Variants in ARHGAP26 observed in about 807,000 individuals in gnomAD.
The protein encoded by ARHGAP26 is Rho GTPase activating protein 26.
In ARHGAP26, 38 loss-of-function variants were observed where a neutral mutation model predicts 104.8. That is an observed-to-expected ratio of 0.36 (90% confidence interval 0.28 to 0.48). ARHGAP26 has a LOEUF of 0.48. Among genes scored for constraint, ARHGAP26 ranks in the 20% least tolerant of loss-of-function variants. The pLI is 0.99. For missense variants in ARHGAP26, 704 were observed against 947.9 expected (o/e 0.74, Z 3.38); for synonymous variants, 341 against 340.0 (o/e 1.00, Z -0.03).
chr5:143,092,170 G>GTTTTTTTTT (rs70991792), intron 17 of ARHGAP26, among the ~76,000 whole-genome samples: 1 of 131,292 alleles, frequency 7.6e-6, no homozygotes, highest in Non-Finnish European at 1.5e-5. Context: ...TTTTTTTTTT[G>GTTTTTTTTT]TTTTTTTTTT....
chr5:143,159,392 G>T (rs902438795), intron 20 of ARHGAP26, among the ~76,000 whole-genome samples: 2 of 152,190 alleles, frequency 1.3e-5, no homozygotes, highest in African/African-American at 4.8e-5. Context: ...ATCAATAAAG[G>T]ACGGCCTAAA....
At chr5:142,976,081 A>G (rs530408763) in intron 11 of ARHGAP26, among the ~76,000 whole-genome samples, 2 of 152,162 alleles carry the variant, frequency 1.3e-5, no homozygotes, top group African/African-American at 2.4e-5. Context: ...TTCTCACTCT[A>G]TCTGGATTTT....
chr5:142,870,627 G>A (rs1427948302), intron 1 of ARHGAP26, among the ~76,000 whole-genome samples: 1 of 152,240 alleles, frequency 6.6e-6, no homozygotes, highest in Non-Finnish European at 1.5e-5. Context: ...GAATAGCCCA[G>A]CTATACCTAG....
chr5:143,199,937 AG>A (rs1180335684), intron 20 of ARHGAP26, among the ~76,000 whole-genome samples: 3 of 152,126 alleles, frequency 2.0e-5, no homozygotes, highest in South Asian at 4.2e-4. Flanking sequence ...CCTTTCAACT[AG>A]GGGGTCTCAC....
intron 11 of ARHGAP26, among the ~76,000 whole-genome samples, chr5:142,973,940 C>T (rs1462661350): frequency 6.6e-6 from 1 of 152,162 alleles, no homozygotes; most frequent in Non-Finnish European, 1.5e-5. Context: ...TAACCATTTT[C>T]CTCCCTTTTC....
intron 1 of ARHGAP26, among the ~76,000 whole-genome samples, chr5:142,822,147 C>T (rs1340180257): frequency 6.6e-6 from 1 of 152,222 alleles, no homozygotes; most frequent in Non-Finnish European, 1.5e-5. Flanking sequence ...TCTTCTTCCT[C>T]TTCTTGCCTT....
At position 142,889,761 on chromosome 5, in the gene ARHGAP26, C is replaced by T. The variant is rs146957791; in HGVS notation, c.486+4362C>T. On this transcript the variant is annotated intron_variant, in intron 5 of 22. Transcript: ENST00000645722. ...CAGAAGGAATGAGCTAATGAAAGGC[C>T]AGGACAATCTTCTTCAGGTTGTGAG... is the stretch of plus-strand genomic sequence containing the variant. Among the ~76,000 whole-genome samples the T allele has an allele frequency of 3.9e-4, 59 of 152,088 alleles. 1 individual carries two copies. Among genetic ancestry groups the T allele is most frequent in the South Asian group, 1.0e-3 (5 of 4,798 alleles).
At chr5:142,772,089 A>T (rs1053810273) in intron 1 of ARHGAP26, among the ~76,000 whole-genome samples, 6 of 152,222 alleles carry the variant, frequency 3.9e-5, no homozygotes, top group African/African-American at 1.2e-4. Flanking sequence ...TTAGCAGAGT[A>T]GAGTCGTAGC....
Position 142,801,514 on chromosome 5 carries a change from A to G in ARHGAP26, c.154+30599A>G, listed in dbSNP as rs576934590. 3.3e-5 allele frequency among the ~76,000 whole-genome samples: 5 copies of G among 152,214 alleles called. No individual in the cohort carries two copies. The South Asian group carries it at 8.3e-4, about 25-fold the overall frequency. ...TTTTGGTAAATACGGACAAACATAA[A>G]AACCCCAATCATCTTTTTGAGAAAA... On this transcript the variant is annotated intron_variant, in intron 1 of 22. Transcript: ENST00000645722.
intron 22 of ARHGAP26, among the ~76,000 whole-genome samples, chr5:143,219,734 CT>C (rs1475553816): frequency 2.0e-5 from 3 of 152,364 alleles, no homozygotes; most frequent in South Asian, 4.1e-4. Flanking sequence ...TAGCTCCTAA[CT>C]TCCTGTGAGC....
chr5:142,936,266 G>A (rs575211298), intron 11 of ARHGAP26, among the ~76,000 whole-genome samples: 4 of 152,192 alleles, frequency 2.6e-5, no homozygotes, highest in Admixed American at 1.3e-4. Context: ...AGTCAAAAGT[G>A]TAACACCATT....
intron 17 of ARHGAP26, among the ~76,000 whole-genome samples, chr5:143,110,051 C>T (rs542399528): frequency 6.6e-6 from 1 of 152,332 alleles, no homozygotes; most frequent in South Asian, 2.1e-4. Context: ...GGTGTTTGTA[C>T]CTGCTGTTTC....
intron 14 of ARHGAP26, among the ~76,000 whole-genome samples, chr5:143,044,067 A>G (rs1434235049): frequency 1.3e-5 from 2 of 152,290 alleles, no homozygotes; most frequent in African/African-American, 4.8e-5. Flanking sequence ...TACTGAGCCA[A>G]GGTGTTTGGG....
intron 17 of ARHGAP26, among the ~76,000 whole-genome samples, chr5:143,120,231 A>C (rs558132163): frequency 2.0e-5 from 3 of 152,210 alleles, no homozygotes; most frequent in Non-Finnish European, 4.4e-5. Context: ...TGGCCTGGGT[A>C]TGGAGTTCAG....
chr5:142,888,049 G>A (rs6886059), intron 5 of ARHGAP26, among the ~76,000 whole-genome samples: 23,833 of 152,102 alleles, frequency 0.16, 3,992 homozygotes, highest in African/African-American at 0.42. Context: ...CACATCAATA[G>A]CAACTATAAT....
intron 20 of ARHGAP26, among the ~76,000 whole-genome samples, chr5:143,169,307 C>G (rs1802455688): frequency 6.6e-6 from 1 of 152,198 alleles, no homozygotes. Flanking sequence ...ATAAGTTAGG[C>G]TAAAATGGAA....
At chr5:143,156,379 G>T (rs984688255) in intron 20 of ARHGAP26, among the ~76,000 whole-genome samples, 1 of 152,162 alleles carries the variant, frequency 6.6e-6, no homozygotes, top group East Asian at 1.9e-4. Flanking sequence ...GCTTCATTTG[G>T]TCTCTGTTAC....
intron 6 of ARHGAP26, among the ~76,000 whole-genome samples, chr5:142,900,738 A>G (rs755909693): frequency 1.3e-5 from 2 of 152,090 alleles, no homozygotes; most frequent in Admixed American, 6.5e-5. Context: ...TTTTTTTTAC[A>G]TAATAAGTAA....
intron 17 of ARHGAP26, among the ~76,000 whole-genome samples, chr5:143,118,105 A>G (rs1180973557): frequency 1.3e-5 from 2 of 152,198 alleles, no homozygotes; most frequent in Non-Finnish European, 1.5e-5. Context: ...ACAGAAAGGA[A>G]TGGGCCATTT....
Sources: allele counts gnomAD v4.1 joint callset (sites outside exome capture counted in the v4.1 genomes callset), GRCh38; gene constraint gnomAD v4.1.1; transcripts MANE v1.5; gene names NCBI Gene and HGNC (gene_info 2026-07-23, HGNC 2026-07-21).